The following VDAC1 variants were observed in gnomAD, a reference collection of about 807,000 sequenced individuals.
VDAC1 encodes the protein non-selective voltage-gated ion channel VDAC1.
Under a neutral mutation model 34.7 loss-of-function variants are expected in VDAC1, and 10 were observed. That is an observed-to-expected ratio of 0.29 (90% confidence interval 0.18 to 0.49). The LOEUF (loss-of-function observed/expected upper bound fraction) is 0.49. Among genes scored for constraint, VDAC1 ranks in the 20% least tolerant of loss-of-function variants. The pLI, the probability that VDAC1 is intolerant of heterozygous loss-of-function variation, is 0.99. For missense variants in VDAC1, 230 were observed against 347.9 expected, an observed-to-expected ratio of 0.66 and a Z score of 2.69; for synonymous variants, 130 against 136.0, an observed-to-expected ratio of 0.96 and a Z score of 0.30.
At chr5:134,040,611 G>C in the VDAC1 span, among the ~76,000 whole-genome samples, 1 of 152,026 alleles carries the variant, frequency 6.6e-6, no homozygotes, top group South Asian at 2.1e-4. Flanking sequence ...GGTGCCACGT[G>C]CCTGTGGAGG....
chr5:134,078,332 C>G, the VDAC1 span, among the ~76,000 whole-genome samples: 1 of 152,044 alleles, frequency 6.6e-6, no homozygotes, highest in Admixed American at 6.6e-5. Context: ...AGGGGGGAGG[C>G]GAGGGATTCG....
chr5:134,052,958 A>G, the VDAC1 span, among the ~76,000 whole-genome samples: 3 of 152,150 alleles, frequency 2.0e-5, no homozygotes, highest in Non-Finnish European at 4.4e-5. Flanking sequence ...TCTACTAAAA[A>G]TACAAAATCA....
At chr5:133,978,057 A>T (rs1158029169) in intron 6 of VDAC1, among the ~76,000 whole-genome samples, 1 of 152,148 alleles carries the variant, frequency 6.6e-6, no homozygotes, top group East Asian at 1.9e-4. Flanking sequence ...GTTAACTGTG[A>T]GTCAGAGCCC....
chr5:133,999,297 G>A (rs971947784), intron 1 of VDAC1, among the ~76,000 whole-genome samples: 2 of 152,216 alleles, frequency 1.3e-5, no homozygotes, highest in African/African-American at 4.8e-5. Context: ...AAACAGCTGG[G>A]AGGAAAGGCC....
the VDAC1 span, among the ~76,000 whole-genome samples, chr5:134,030,739 C>A: frequency 6.6e-6 from 1 of 152,110 alleles, no homozygotes; most frequent in Non-Finnish European, 1.5e-5. Context: ...TCCTGAGAAT[C>A]TGGGATTACA....
chr5:134,106,130 C>T, the VDAC1 span, among the ~76,000 whole-genome samples: 38 of 152,336 alleles, frequency 2.5e-4, no homozygotes, highest in Non-Finnish European at 4.9e-4. Context: ...TGAGTTTCAA[C>T]CTTTGCTCTG....
the VDAC1 span, among the ~76,000 whole-genome samples, chr5:134,019,491 G>A: frequency 6.6e-6 from 1 of 152,136 alleles, no homozygotes; most frequent in African/African-American, 2.4e-5. Context: ...GAAGTAGGTG[G>A]ATTACTTAAG....
At chr5:134,078,003 G>A in the VDAC1 span, among the ~76,000 whole-genome samples, 9 of 152,246 alleles carry the variant, frequency 5.9e-5, no homozygotes, top group African/African-American at 2.2e-4. Context: ...CAGGGAGCCT[G>A]GGAGGCAGGG....
At chr5:134,033,340 T>G in the VDAC1 span, among the ~76,000 whole-genome samples, 2 of 151,506 alleles carry the variant, frequency 1.3e-5, no homozygotes, top group Non-Finnish European at 2.9e-5. Flanking sequence ...ATATTTTTAA[T>G]AGAGACGGGG....
intron 5 of VDAC1, among the ~76,000 whole-genome samples, chr5:133,984,195 G>A (rs911788223): frequency 3.8e-4 from 57 of 151,964 alleles, no homozygotes; most frequent in African/African-American, 1.2e-3. Context: ...AGCTAGAACT[G>A]ACTATAGGTG....
the VDAC1 span, among the ~76,000 whole-genome samples, chr5:134,090,886 C>T: frequency 3.3e-5 from 5 of 152,158 alleles, no homozygotes; most frequent in Non-Finnish European, 1.5e-5. Context: ...TTTTGAATCC[C>T]CAGCTGGGTG....
At chr5:134,072,259 G>A in the VDAC1 span, among the ~76,000 whole-genome samples, 5 of 152,068 alleles carry the variant, frequency 3.3e-5, no homozygotes, top group African/African-American at 7.2e-5. Flanking sequence ...GACTTTATAC[G>A]TTACCCAACC....
the VDAC1 span, among the ~76,000 whole-genome samples, chr5:134,102,476 C>T: frequency 1.4e-4 from 22 of 152,022 alleles, no homozygotes. Context: ...CGAGACCAGC[C>T]TGACCAACAT....
chr5:134,000,994 G>A (rs1753529126), intron 1 of VDAC1, among the ~76,000 whole-genome samples: 1 of 152,136 alleles, frequency 6.6e-6, no homozygotes, highest in Non-Finnish European at 1.5e-5. Context: ...TAGACACTCA[G>A]CACCACTGTC....
At chr5:134,060,078 T>A in the VDAC1 span, among the ~76,000 whole-genome samples, 3 of 151,822 alleles carry the variant, frequency 2.0e-5, 1 homozygote, top group African/African-American at 7.2e-5. Context: ...CTAGTGATGC[T>A]GGCCTCATCA....
At chr5:134,086,208 TA>T in the VDAC1 span, among the ~76,000 whole-genome samples, 6 of 152,036 alleles carry the variant, frequency 3.9e-5, 1 homozygote, top group Admixed American at 2.6e-4. Flanking sequence ...ATAATAATAA[TA>T]AAAAATACTT....
At chr5:134,048,486 C>A in the VDAC1 span, among the ~76,000 whole-genome samples, 4 of 151,014 alleles carry the variant, frequency 2.6e-5, no homozygotes, top group Non-Finnish European at 5.9e-5. Flanking sequence ...AGGCTGGTCT[C>A]GAACTCCTAC....
chr5:134,018,367 GC>G, the VDAC1 span, among the ~76,000 whole-genome samples: 1 of 152,138 alleles, frequency 6.6e-6, no homozygotes, highest in Admixed American at 6.6e-5. Flanking sequence ...CGAGGGATCT[GC>G]CCCCATGACT....
At chr5:134,041,179 G>A in the VDAC1 span, among the ~76,000 whole-genome samples, 1 of 152,194 alleles carries the variant, frequency 6.6e-6, no homozygotes, top group African/African-American at 2.4e-5. Flanking sequence ...TGGCTGACCC[G>A]CAGGCTCCTT....
Sources: allele counts gnomAD v4.1 joint callset (sites outside exome capture counted in the v4.1 genomes callset), GRCh38; gene constraint gnomAD v4.1.1; transcripts MANE v1.5; gene names NCBI Gene and HGNC (gene_info 2026-07-23, HGNC 2026-07-21).